The following OCSTAMP variants were observed in gnomAD, a reference collection of about 807,000 sequenced individuals.
OCSTAMP encodes the protein transmembrane protein C20orf123.
OCSTAMP carries 17 observed loss-of-function variants against 25.2 expected under a neutral mutation model. That is an observed-to-expected ratio of 0.68 (90% CI 0.46 to 1.01). The LOEUF (loss-of-function observed/expected upper bound fraction) is 1.01. Ranked by LOEUF, OCSTAMP falls within the 50% of genes least tolerant of loss-of-function variation. OCSTAMP has a pLI of 0.00. For missense variants in OCSTAMP, 664 were observed against 694.6 expected (o/e 0.96, Z 0.50); for synonymous variants, 345 against 318.9 (o/e 1.08, Z -0.87).
At chr20:46,543,330 C>CT (rs1568897141) in intron 2 of OCSTAMP, among the ~76,000 whole-genome samples, 8 of 121,644 alleles carry the variant, frequency 6.6e-5, no homozygotes, top group East Asian at 2.3e-4. Context: ...TTCTTTCTTT[C>CT]TTCGTTTCTT....
Position 46,545,155 on chromosome 20 carries a change from G to A in OCSTAMP, c.1047+172C>T, listed in dbSNP as rs140954303. Among the ~76,000 whole-genome samples, 76 of 152,284 alleles carry A rather than the reference G, an allele frequency of 5.0e-4. 1 individual carries two copies. The highest frequency in any genetic ancestry group is 1.8e-3 in the African/African-American group (73 of 41,550). On this transcript the variant is annotated intron_variant, in intron 2 of 2. Transcript: ENST00000279028. The stretch of plus-strand genomic sequence containing the variant: ...GTGAAAATAGAAACCACTTCCTAGA[G>A]CTGTTGTGGGTATCCGATGAGTCCC...
In OCSTAMP at chr20:46,545,493, T is replaced by C; in HGVS notation, c.881A>G (p.Glu294Gly). 6.4e-7 allele frequency: 1 copy of C among 1,551,458 alleles called. No homozygotes were observed. The highest frequency in any genetic ancestry group is 8.7e-7 in the Non-Finnish European group (1 of 1,146,906). Reference protein sequence around the residue: ...LQAAQLRLSQEELLSCLLRLG... With the variant: ...LQAAQLRLSQGELLSCLLRLG... ...CCTTAGAAGACAACTCAACAGCTCC[T>C]CCTGTGACAGCCTCAGCTGAGCCGC... Residue 294 changes from glutamate to glycine, a missense_variant, in exon 2 of 3, where the codon GAG becomes GGG. Transcript: ENST00000279028.
At chr20:46,550,496 G>T (rs1331698786) in intron 1 of OCSTAMP, 21 bp downstream of exon 1, 2 of 1,550,508 alleles carry the variant, frequency 1.3e-6, no homozygotes, top group African/African-American at 1.4e-5. Context: ...AGCCCTCAGT[G>T]TCCAAAGTCC....
At position 46,546,023 on chromosome 20, in the gene OCSTAMP, C is replaced by T. The variant is rs6124811; in HGVS notation, c.351G>A (p.Gln117=). 1 of 1,551,472 alleles carries T rather than the reference C, an allele frequency of 6.4e-7. No homozygotes were observed. The highest frequency in any genetic ancestry group is 1.2e-5 in the South Asian group (1 of 84,046). ...ALSVPTLGME[Q]GRRLLLSYST... is the part of the protein sequence containing the mutation. ...TGTAGGACAGGAGCAGCCGGCGGCC[C>T]TGCTCCATACCCAGGGTGGGCACGC... Residue 117 remains glutamine, a synonymous_variant, in exon 2 of 3, where the codon CAG becomes CAA. Coordinates refer to ENST00000279028, the MANE Select transcript of OCSTAMP (RefSeq NM_080721.3).
intron 1 of OCSTAMP, among the ~76,000 whole-genome samples, chr20:46,547,572 C>T (rs1008403129): frequency 4.6e-5 from 7 of 152,154 alleles, no homozygotes; most frequent in African/African-American, 9.7e-5. Flanking sequence ...TGATCAAGTA[C>T]GTCAAATGCA....
Position 46,545,681 on chromosome 20 carries a change from C to A in OCSTAMP, c.693G>T (p.Gly231=). The change falls in exon 2 of 3, where the codon GGG becomes GGT. Residue 231 remains glycine, a synonymous_variant. Coordinates refer to ENST00000279028, the MANE Select transcript of OCSTAMP (RefSeq NM_080721.3). ...AALGTQRVVT[G]LFMLGLLVES... is the part of the protein sequence containing the mutation. Reference sequence around the variant, plus strand: ...CCACCAGGAGGCCCAACATAAACAGCCCTGTGACCACTCGCTGGGTCCCTA... The same window carrying A: ...CCACCAGGAGGCCCAACATAAACAGACCTGTGACCACTCGCTGGGTCCCTA... 2 of 1,551,612 alleles carry A rather than the reference C, an allele frequency of 1.3e-6. No individual in the cohort carries two copies. Among genetic ancestry groups the A allele is most frequent in the Non-Finnish European group, 1.7e-6 (2 of 1,146,944 alleles).
At chr20:46,543,006 G>A (rs1225467548) in intron 2 of OCSTAMP, among the ~76,000 whole-genome samples, 1 of 152,194 alleles carries the variant, frequency 6.6e-6, no homozygotes, top group Non-Finnish European at 1.5e-5. Context: ...TGGAAACAAT[G>A]GTGGGGCATC....
chr20:46,541,397 G>T lies in OCSTAMP; in HGVS notation c.1578C>A (p.His526Gln). The T allele has an allele frequency of 1.9e-6, 2 of 1,071,288 alleles. No individual in the cohort carries two copies. Among genetic ancestry groups the T allele is most frequent in the Non-Finnish European group, 2.8e-6 (2 of 708,488 alleles). The allele number at this position is 1,071,288 out of a possible 1,614,324, so 66.4% of individuals were successfully genotyped here. Residue 526 changes from histidine to glutamine, a missense_variant, in exon 3 of 3, where the codon CAC becomes CAA. By Grantham distance (24) the His-to-Gln change is conservative. Coordinates refer to ENST00000279028, the MANE Select transcript of OCSTAMP (RefSeq NM_080721.3). The part of the protein sequence containing the change: ...PPCVTLGKSL[H>Q]LSEPRFLHLH... The stretch of plus-strand genomic sequence containing the variant: ...GATGTAGAAACCGAGGCTCAGAGAG[G>T]TGAAGTGACTTACCCAAGGTCACAC...
intron 1 of OCSTAMP, among the ~76,000 whole-genome samples, chr20:46,549,990 A>G (rs2061865576): frequency 6.6e-6 from 1 of 152,138 alleles, no homozygotes; most frequent in South Asian, 2.1e-4. Flanking sequence ...AGCCCTGCAG[A>G]CTGCATCCTG....
At chr20:46,542,881 A>T (rs1276065730) in intron 2 of OCSTAMP, among the ~76,000 whole-genome samples, 1 of 152,216 alleles carries the variant, frequency 6.6e-6, no homozygotes, top group Non-Finnish European at 1.5e-5. Flanking sequence ...TTCAGAAAAG[A>T]TGAAATAATG....
At chr20:46,543,048 T>C (rs75657147) in intron 2 of OCSTAMP, among the ~76,000 whole-genome samples, 1,786 of 152,202 alleles carry the variant, frequency 0.012, 34 homozygotes, top group East Asian at 0.086. Context: ...GAGAATGATA[T>C]TGGAGGAAAA....
At position 46,545,695 on chromosome 20, in the gene OCSTAMP, G is replaced by C. The variant is rs530010522; in HGVS notation, c.679C>G (p.Arg227Gly). Residue 227 changes from arginine (R) to glycine (G), a missense_variant, in exon 2 of 3, where the codon CGA becomes GGA. By Grantham distance (125) the Arg-to-Gly change is moderately radical (BLOSUM62 -2). Coordinates refer to ENST00000279028, the MANE Select transcript of OCSTAMP (RefSeq NM_080721.3). Reference sequence around the variant, plus strand: ...AACATAAACAGCCCTGTGACCACTCGCTGGGTCCCTAGCGCTGCTGCCCGG... The same window carrying C: ...AACATAAACAGCCCTGTGACCACTCCCTGGGTCCCTAGCGCTGCTGCCCGG... ...LARAAALGTQRVVTGLFMLGL... is the reference protein window; with the variant it reads ...LARAAALGTQGVVTGLFMLGL... 1 of 1,551,640 alleles carries C rather than the reference G, an allele frequency of 6.4e-7. No homozygotes were observed. Among genetic ancestry groups the C allele is most frequent in the African/African-American group, 1.4e-5 (1 of 73,164 alleles).
chr20:46,549,653 G>A (rs567292552), intron 1 of OCSTAMP, among the ~76,000 whole-genome samples: 8 of 152,258 alleles, frequency 5.3e-5, no homozygotes, highest in African/African-American at 1.9e-4. Context: ...CGTGTGCAAA[G>A]GTCCTGTGCT....
At position 46,541,496 on chromosome 20, in the gene OCSTAMP, G is replaced by A; in HGVS notation, c.1479C>T (p.Ser493=). 6.4e-7 allele frequency: 1 copy of A among 1,551,640 alleles called. No homozygotes were observed. Among genetic ancestry groups the A allele is most frequent in the Non-Finnish European group, 8.7e-7 (1 of 1,146,902 alleles). The change falls in exon 3 of 3, where the codon AGC becomes AGT. Residue 493 remains serine (S), a synonymous_variant. Transcript: ENST00000279028. The stretch of plus-strand genomic sequence containing the variant: ...AAAGCTCTTTCCCTTCTCCCTCACT[G>A]CTCTCGGTTCTTAAGGCATCCAGCC... ...DYRLDALRTE[S]SEGEGKELWS...
At chr20:46,548,632 A>G (rs2061860650) in intron 1 of OCSTAMP, among the ~76,000 whole-genome samples, 1 of 152,182 alleles carries the variant, frequency 6.6e-6, no homozygotes, top group South Asian at 2.1e-4. Flanking sequence ...GAGATCATAC[A>G]TTATCTTAAG....
chr20:46,545,324 T>TA lies in OCSTAMP; in HGVS notation c.1047+2dup. On this transcript the variant is annotated splice_region_variant and intron_variant, in intron 2 of 2. Transcript: ENST00000279028. The stretch of plus-strand genomic sequence containing the variant: ...CCTTCCCTTTTCCCATCATCACACT[T>TA]ACATCATACTTGACCGTGAGCGTGA... 6.9e-7 allele frequency: 1 copy of TA among 1,459,756 alleles called. No individual in the cohort carries two copies. The highest frequency in any genetic ancestry group is 1.4e-5 in the South Asian group (1 of 69,172). 90.4% of individuals were successfully genotyped at this position (1,459,756 alleles called of 1,614,324 possible).
chr20:46,548,049 C>T (rs1417630586), intron 1 of OCSTAMP, among the ~76,000 whole-genome samples: 1 of 151,994 alleles, frequency 6.6e-6, no homozygotes, highest in African/African-American at 2.4e-5. Context: ...CAGATGATGG[C>T]GAATGAACAG....
intron 2 of OCSTAMP, among the ~76,000 whole-genome samples, chr20:46,542,685 G>T (rs2061838377): frequency 1.3e-5 from 2 of 152,064 alleles, no homozygotes; most frequent in African/African-American, 2.4e-5. Flanking sequence ...TAAGCACTGG[G>T]CCCTGCAGTT....
chr20:46,546,318 C>A lies in OCSTAMP; in HGVS notation c.56G>T (p.Trp19Leu). The A allele has an allele frequency of 6.5e-7, 1 of 1,548,326 alleles. No homozygotes were observed. Among genetic ancestry groups the A allele is most frequent in the Non-Finnish European group, 8.7e-7 (1 of 1,146,172 alleles). The change falls in exon 2 of 3, where the codon TGG becomes TTG. Residue 19 changes from tryptophan (W) to leucine (L), a missense_variant. By Grantham distance (61) the Trp-to-Leu change is moderately conservative. Transcript: ENST00000279028. ...EQLVKTGWRS[W>L]HLGFWKALAP... Reference sequence around the variant, plus strand: ...AAGGGCCTTCCAGAACCCCAAGTGCCAGGACCTCCACCTGCACACAAGGAA... The same window carrying A: ...AAGGGCCTTCCAGAACCCCAAGTGCAAGGACCTCCACCTGCACACAAGGAA...
Sources: allele counts gnomAD v4.1 joint callset (sites outside exome capture counted in the v4.1 genomes callset), GRCh38; gene constraint gnomAD v4.1.1; transcripts MANE v1.5; gene names NCBI Gene and HGNC (gene_info 2026-07-23, HGNC 2026-07-21).